The following COL11A1 variants were observed in gnomAD, a reference collection of about 807,000 sequenced individuals.
COL11A1 encodes collagen type XI alpha 1 chain, also known as collagen alpha-1(XI) chain.
Under a neutral mutation model 265.2 loss-of-function variants are expected in COL11A1, and 74 were observed. The ratio of observed to expected loss-of-function variants is 0.28; its 90% confidence interval spans 0.23 to 0.34. The LOEUF is 0.34. Among genes scored for constraint, COL11A1 ranks in the 10% least tolerant of loss-of-function variants. The pLI is 1.00. For synonymous variants in COL11A1, 816 were observed against 727.6 expected (o/e 1.12, Z -1.96); for missense variants, 2,165 against 2,263.6 (o/e 0.96, Z 0.88).
At position 102,940,571 on chromosome 1, in the gene COL11A1, G is replaced by A. The variant is rs542087542; in HGVS notation, c.3277-137C>T. On this transcript the variant is annotated intron_variant, in intron 42 of 66. Transcript: ENST00000370096. Reference sequence around the variant, plus strand: ...ACATTTTAAAGAATAAATGATACATGTTCCCTACCTTCATTTGTGACTAAG... The same window carrying A: ...ACATTTTAAAGAATAAATGATACATATTCCCTACCTTCATTTGTGACTAAG... The A allele has an allele frequency of 1.2e-5, 8 of 664,790 alleles. No individual in the cohort carries two copies. In the Admixed American group the frequency reaches 2.2e-4, roughly 19 times the overall value. The allele number at this position is 664,790 out of a possible 1,614,324, so 41.2% of individuals were successfully genotyped here.
At chr1:103,056,339 T>C (rs546607254) in intron 4 of COL11A1, among the ~76,000 whole-genome samples, 1 of 152,214 alleles carries the variant, frequency 6.6e-6, no homozygotes, top group East Asian at 1.9e-4. Flanking sequence ...GAGGAAAAAC[T>C]TAAGGAATTG....
chr1:103,041,615 C>T (rs888973887), intron 4 of COL11A1, among the ~76,000 whole-genome samples: 9 of 151,892 alleles, frequency 5.9e-5, no homozygotes, highest in African/African-American at 1.7e-4. Flanking sequence ...AAATCTAAAT[C>T]GGCTACTTTA....
chr1:103,086,227 T>A lies in COL11A1; in HGVS notation c.107-3255A>T, dbSNP rs984282919. Among the ~76,000 whole-genome samples the A allele has an allele frequency of 2.6e-5, 4 of 152,248 alleles. No homozygotes were observed. In the South Asian group the frequency reaches 8.3e-4, roughly 32 times the overall value. ...TTTATCTGCTTAAATTATCTTATAT[T>A]TTTGCTCTGAAGCCATTCTCCAAAG... On this transcript the variant is annotated intron_variant, in intron 1 of 66. Coordinates refer to ENST00000370096, the MANE Select transcript of COL11A1 (RefSeq NM_001854.4).
intron 37 of COL11A1, among the ~76,000 whole-genome samples, chr1:102,966,729 A>C (rs1245310877): frequency 6.6e-6 from 1 of 152,124 alleles, no homozygotes; most frequent in Non-Finnish European, 1.5e-5. Flanking sequence ...ACATATATAC[A>C]TGTGTGCATA....
intron 1 of COL11A1, among the ~76,000 whole-genome samples, chr1:103,107,431 C>T (rs1674786842): frequency 6.6e-6 from 1 of 151,846 alleles, no homozygotes; most frequent in South Asian, 2.1e-4. Flanking sequence ...AGTGTTCTCC[C>T]TATCTTGAAC....
chr1:102,890,140 A>T (rs943109087), intron 58 of COL11A1, among the ~76,000 whole-genome samples: 1 of 152,172 alleles, frequency 6.6e-6, no homozygotes, highest in Non-Finnish European at 1.5e-5. Context: ...AAAAACATAA[A>T]AATAGATATT....
At chr1:102,954,691 A>G (rs779192413) in intron 41 of COL11A1, among the ~76,000 whole-genome samples, 2 of 152,062 alleles carry the variant, frequency 1.3e-5, no homozygotes, top group Non-Finnish European at 2.9e-5. Flanking sequence ...CGAAAAATAC[A>G]AAAATTATCC....
At chr1:103,060,947 C>CTA (rs1670629706) in intron 4 of COL11A1, among the ~76,000 whole-genome samples, 1 of 151,540 alleles carries the variant, frequency 6.6e-6, no homozygotes, top group Non-Finnish European at 1.5e-5. Flanking sequence ...TAAATACACT[C>CTA]ATTAAAGACA....
rs533713178 is a variant in COL11A1 at position 102,974,416 on chromosome 1, CTT to C, written c.2808+412_2808+413del. On this transcript the variant is annotated intron_variant, in intron 36 of 66. Transcript: ENST00000370096. ...TTAATATAAATAGATTTTAGCATGA[CTT>C]AAGTAATATCACAATGTTGGAGGGA... is the stretch of plus-strand genomic sequence containing the variant. 7.7e-4 allele frequency among the ~76,000 whole-genome samples: 117 copies of C among 151,914 alleles called. 1 individual carries two copies. The Middle Eastern group carries it at 0.01, about 14-fold the overall frequency.
chr1:102,991,512 T>C (rs1358793733), intron 28 of COL11A1, among the ~76,000 whole-genome samples: 4 of 152,136 alleles, frequency 2.6e-5, no homozygotes, highest in African/African-American at 9.6e-5. Context: ...CTCTCCATCT[T>C]GTGGCCTTCA....
chr1:102,908,075 T>C (rs1654203515), intron 54 of COL11A1, among the ~76,000 whole-genome samples: 1 of 152,106 alleles, frequency 6.6e-6, no homozygotes, highest in African/African-American at 2.4e-5. Context: ...AATACTTGGT[T>C]TGTCAGAGTA....
chr1:103,069,862 T>C (rs888083939), intron 4 of COL11A1, among the ~76,000 whole-genome samples: 10 of 151,884 alleles, frequency 6.6e-5, no homozygotes, highest in Non-Finnish European at 1.5e-4. Context: ...AACACTACAA[T>C]GCGTCTAGTT....
Position 103,015,087 on chromosome 1 carries a change from T to G in COL11A1, c.1489-493A>C, listed in dbSNP as rs72683298. Among the ~76,000 whole-genome samples, 646 of 152,204 alleles carry G rather than the reference T, an allele frequency of 4.2e-3. 3 individuals carry two copies. The highest frequency in any genetic ancestry group is 0.01 in the Middle Eastern group (3 of 294). On this transcript the variant is annotated intron_variant, in intron 12 of 66. Coordinates refer to ENST00000370096, the MANE Select transcript of COL11A1 (RefSeq NM_001854.4). ...TACTTATGTTATAAAACAGATCTTC[T>G]GTAATATTCCTCTATAAAATTTGCT...
chr1:103,006,330 C>T lies in COL11A1; in HGVS notation c.1684-15G>A, dbSNP rs1665610425. On this transcript the variant is annotated splice_polypyrimidine_tract_variant and intron_variant, in intron 15 of 66. Coordinates refer to ENST00000370096, the MANE Select transcript of COL11A1 (RefSeq NM_001854.4). Reference sequence around the variant, plus strand: ...CCTCGAGGGCCCTATATCAAGACATCATAATTAAACCATATTATAGAATTC... The same window carrying T: ...CCTCGAGGGCCCTATATCAAGACATTATAATTAAACCATATTATAGAATTC... 1 of 1,600,362 alleles carries T rather than the reference C, an allele frequency of 6.2e-7. No homozygotes were observed. The highest frequency in any genetic ancestry group is 8.5e-7 in the Non-Finnish European group (1 of 1,171,082).
At chr1:102,982,508 ATT>A (rs1397638670) in intron 31 of COL11A1, among the ~76,000 whole-genome samples, 3 of 152,088 alleles carry the variant, frequency 2.0e-5, no homozygotes, top group African/African-American at 4.8e-5. Flanking sequence ...AATGCTTGAC[ATT>A]TGAAAGGAAG....
chr1:102,910,431 G>A (rs1337934019), intron 54 of COL11A1, among the ~76,000 whole-genome samples: 2 of 152,062 alleles, frequency 1.3e-5, no homozygotes, highest in Non-Finnish European at 2.9e-5. Flanking sequence ...CACTTGCTGA[G>A]AGTTTGACTT....
At chr1:102,887,676 G>T (rs1437847820) in intron 62 of COL11A1, among the ~76,000 whole-genome samples, 1 of 152,102 alleles carries the variant, frequency 6.6e-6, no homozygotes, top group Non-Finnish European at 1.5e-5. Flanking sequence ...TAATGTTGAA[G>T]TCCTAATTCT....
At chr1:103,065,557 C>CAAAA (rs1671062878) in intron 4 of COL11A1, among the ~76,000 whole-genome samples, 29 of 43,048 alleles carry the variant, frequency 6.7e-4, no homozygotes, top group Non-Finnish European at 1.3e-3. Flanking sequence ...AGAAAGCAAA[C>CAAAA]AAACAAACAA....
At chr1:102,950,516 A>C (rs1451932543) in intron 41 of COL11A1, among the ~76,000 whole-genome samples, 1 of 152,096 alleles carries the variant, frequency 6.6e-6, no homozygotes, top group Non-Finnish European at 1.5e-5. Context: ...GTCATCCTAG[A>C]AAATATTCAA....
Sources: gnomAD v4.1 joint callset for allele counts (sites outside exome capture counted in the v4.1 genomes callset) on GRCh38, gnomAD v4.1.1 for gene constraint, MANE v1.5 for transcripts, NCBI Gene and HGNC (gene_info 2026-07-23, HGNC 2026-07-21) for gene names.